CACNA1C: variants seen among roughly 807,000 people sequenced by gnomAD.
The protein encoded by CACNA1C is calcium voltage-gated channel subunit alpha1 C.
CACNA1C carries 30 observed loss-of-function variants against 229.0 expected under a neutral mutation model. The ratio of observed to expected loss-of-function variants is 0.13; its 90% CI spans 0.10 to 0.18. The LOEUF (loss-of-function observed/expected upper bound fraction) is 0.18, where lower values mean the gene tolerates loss of function less well. Among genes scored for constraint, CACNA1C ranks in the 10% least tolerant of loss-of-function variants. The pLI is 1.00. For synonymous variants in CACNA1C, 1,114 were observed against 1,132.5 expected (o/e 0.98, Z 0.33); for missense variants, 1,658 against 2,845.0 (o/e 0.58, Z 9.49).
intron 1 of CACNA1C, among the ~76,000 whole-genome samples, chr12:2,097,312 A>G (rs959839283): frequency 3.3e-5 from 5 of 151,522 alleles, no homozygotes; most frequent in Non-Finnish European, 5.9e-5. Flanking sequence ...CGCCCAGCTA[A>G]TTTTTTTGTA....
chr12:2,655,337 G>A (rs1243458886), intron 34 of CACNA1C, 99 bp downstream of exon 34: 2 of 713,498 alleles, frequency 2.8e-6, no homozygotes, highest in East Asian at 5.5e-5. Context: ...TTCCCGGGGA[G>A]TAGGAAGGGA....
At chr12:2,435,694 A>G (rs929333450) in intron 3 of CACNA1C, among the ~76,000 whole-genome samples, 2 of 152,086 alleles carry the variant, frequency 1.3e-5, no homozygotes, top group African/African-American at 2.4e-5. Flanking sequence ...TGGGACATCG[A>G]CCTTGATGGC....
At chr12:2,642,844 G>A (rs1218783375) in intron 30 of CACNA1C, among the ~76,000 whole-genome samples, 1 of 152,192 alleles carries the variant, frequency 6.6e-6, no homozygotes, top group Non-Finnish European at 1.5e-5. Context: ...AGGGGAAGAT[G>A]AAACTCCCAG....
At chr12:2,528,142 G>T (rs556775147) in intron 9 of CACNA1C, among the ~76,000 whole-genome samples, 1 of 152,042 alleles carries the variant, frequency 6.6e-6, no homozygotes, top group Non-Finnish European at 1.5e-5. Flanking sequence ...AACAATTGTC[G>T]TGTGCTATAC....
At chr12:2,306,908 A>G (rs2095071936) in intron 3 of CACNA1C, among the ~76,000 whole-genome samples, 1 of 152,210 alleles carries the variant, frequency 6.6e-6, no homozygotes, top group African/African-American at 2.4e-5. Context: ...AGTGGCTGTC[A>G]TAGCAAACTA....
At chr12:2,499,702 C>A (rs778359541) in intron 7 of CACNA1C, among the ~76,000 whole-genome samples, 10 of 152,170 alleles carry the variant, frequency 6.6e-5, no homozygotes, top group Non-Finnish European at 1.2e-4. Context: ...AATGAGCTGA[C>A]TTTCCTTAGG....
chr12:2,518,541 G>A (rs7134107), intron 9 of CACNA1C, among the ~76,000 whole-genome samples: 26,945 of 151,304 alleles, frequency 0.18, 3,050 homozygotes, highest in African/African-American at 0.31. Context: ...CCAGGAGGCG[G>A]AGCTTGCAGT....
At chr12:2,498,004 A>ACAC (rs1598127973) in intron 7 of CACNA1C, among the ~76,000 whole-genome samples, 1 of 114,318 alleles carries the variant, frequency 8.7e-6, no homozygotes, top group African/African-American at 3.5e-5. Flanking sequence ...CACACACACA[A>ACAC]CAGCTATTAA....
At chr12:2,243,413 C>T (rs1313076870) in intron 3 of CACNA1C, among the ~76,000 whole-genome samples, 1 of 152,170 alleles carries the variant, frequency 6.6e-6, no homozygotes, top group Non-Finnish European at 1.5e-5. Flanking sequence ...TAGTCAGGGG[C>T]CTGGTGGCTC....
chr12:2,531,358 G>T (rs186104668), intron 9 of CACNA1C, among the ~76,000 whole-genome samples: 80 of 152,276 alleles, frequency 5.3e-4, no homozygotes, highest in African/African-American at 1.7e-3. Flanking sequence ...GGAGTATGGA[G>T]ACCTGGTTCC....
At chr12:2,199,238 A>G (rs925820300) in intron 3 of CACNA1C, among the ~76,000 whole-genome samples, 1 of 152,014 alleles carries the variant, frequency 6.6e-6, no homozygotes, top group Admixed American at 6.6e-5. Context: ...TGCACTTGCT[A>G]CAGCTGACTC....
intron 1 of CACNA1C, chr12:2,004,116 A>C: frequency 3.1e-6 from 3 of 965,678 alleles, no homozygotes; most frequent in Non-Finnish European, 3.0e-6. Context: ...CCTTCCCCCA[A>C]ACCCCCGAGA....
In CACNA1C at chr12:2,346,411, C is replaced by T. The variant is rs1290441703; in HGVS notation, c.478-102565C>T. Among the ~76,000 whole-genome samples the T allele has an allele frequency of 6.6e-6, 1 of 152,046 alleles. No homozygotes were observed. The highest frequency in any genetic ancestry group is 2.4e-5 in the African/African-American group (1 of 41,366). ...GTGTTTGGGCAAGACTGTGTTCCACCCCCTTCCCCAGGCTTGGGACAAGCT... is the reference window on the plus strand; with the variant it reads ...GTGTTTGGGCAAGACTGTGTTCCACTCCCTTCCCCAGGCTTGGGACAAGCT... On this transcript the variant is annotated intron_variant, in intron 3 of 46. Transcript: ENST00000399655. The surrounding 1 kb of genome is among the most constrained non-coding windows in gnomAD (Gnocchi z 4.4).
chr12:2,484,725 C>T, intron 5 of CACNA1C, among the ~76,000 whole-genome samples: 1 of 131,214 alleles, frequency 7.6e-6, no homozygotes, highest in African/African-American at 2.8e-5. Context: ...CAGCAGATGC[C>T]CTGAAAGCCG....
intron 8 of CACNA1C, among the ~76,000 whole-genome samples, chr12:2,505,554 A>T (rs937319522): frequency 2.0e-5 from 3 of 152,120 alleles, no homozygotes; most frequent in African/African-American, 7.2e-5. Flanking sequence ...AGACCCAGCA[A>T]CTCAGAAGGC....
intron 3 of CACNA1C, among the ~76,000 whole-genome samples, chr12:2,438,359 A>ATGATGGTGG (rs1555574728): frequency 2.8e-4 from 39 of 137,158 alleles, no homozygotes; most frequent in Non-Finnish European, 5.2e-4. Flanking sequence ...GGTGGTGGTA[A>ATGATGGTGG]TGATGGTGGT....
At chr12:2,620,900 T>C (rs914171462) in intron 29 of CACNA1C, among the ~76,000 whole-genome samples, 1 of 152,184 alleles carries the variant, frequency 6.6e-6, no homozygotes, top group Non-Finnish European at 1.5e-5. Flanking sequence ...TGAATGAGAA[T>C]TGTGAGCCCG....
chr12:2,421,795 C>T (rs1269904875), intron 3 of CACNA1C, among the ~76,000 whole-genome samples: 1 of 152,062 alleles, frequency 6.6e-6, no homozygotes, highest in Non-Finnish European at 1.5e-5. Flanking sequence ...CCTGTAGTCC[C>T]AGCTACTTGG....
At chr12:2,199,348 C>T (rs2097519654) in intron 3 of CACNA1C, among the ~76,000 whole-genome samples, 1 of 152,186 alleles carries the variant, frequency 6.6e-6, no homozygotes, top group Admixed American at 6.5e-5. Flanking sequence ...CCCCTTCCTC[C>T]TCCTCAGTCT....
Sources: gnomAD v4.1 joint callset for allele counts (sites outside exome capture counted in the v4.1 genomes callset) on GRCh38, gnomAD v4.1.1 for gene constraint, Gnocchi (gnomAD v3.1) non-coding constraint, MANE v1.5 for transcripts, NCBI Gene and HGNC (gene_info 2026-07-23, HGNC 2026-07-21) for gene names.